CACNA1B: variants seen among roughly 807,000 people sequenced by gnomAD.
The protein encoded by CACNA1B is calcium voltage-gated channel subunit alpha1 B.
Under a neutral mutation model 247.2 loss-of-function variants are expected in CACNA1B, and 70 were observed. The ratio of observed to expected loss-of-function variants is 0.28; its 90% CI spans 0.23 to 0.35. The LOEUF (loss-of-function observed/expected upper bound fraction) is 0.35, where lower values mean the gene tolerates loss of function less well. Among genes scored for constraint, CACNA1B ranks in the 10% least tolerant of loss-of-function variants. The probability of loss-of-function intolerance (pLI) is 1.00; values close to 1 mark genes in which losing one functional copy is unlikely to be tolerated. For missense variants in CACNA1B, 2,367 were observed against 3,197.4 expected (o/e 0.74, Z 6.26); for synonymous variants, 1,231 against 1,294.4 (o/e 0.95, Z 1.05).
intron 31 of CACNA1B, chr9:138,068,513 T>A: frequency 2.1e-6 from 1 of 486,208 alleles, no homozygotes; most frequent in East Asian, 5.9e-5. Context: ...GGCTGCCTCC[T>A]CCCTGTGCGT....
chr9:138,107,087 T>TTA (rs1479779888), intron 39 of CACNA1B, among the ~76,000 whole-genome samples: 5 of 152,244 alleles, frequency 3.3e-5, no homozygotes, highest in Admixed American at 1.3e-4. Flanking sequence ...ACTCACTCCT[T>TTA]TATCATCTCA....
Position 138,039,682 on chromosome 9 carries a change from G to A in CACNA1B, c.3287-4092G>A, listed in dbSNP as rs906654631. Among the ~76,000 whole-genome samples the A allele has an allele frequency of 2.4e-4, 36 of 151,958 alleles. 1 individual carries two copies. The highest frequency in any genetic ancestry group is 8.5e-4 in the African/African-American group (35 of 41,360). The stretch of plus-strand genomic sequence containing the variant: ...TAAGTTAGAACTTAAGTTAGATTAG[G>A]AGAACATGATCTGTATGATAGTTTT... On this transcript the variant is annotated intron_variant, in intron 20 of 46. Transcript: ENST00000371372.
intron 3 of CACNA1B, among the ~76,000 whole-genome samples, chr9:137,909,313 G>T (rs1232253283): frequency 6.6e-6 from 1 of 151,948 alleles, no homozygotes; most frequent in African/African-American, 2.4e-5. Context: ...TTTTTTTATT[G>T]CCCCAAACAG....
chr9:138,120,427 G>A (rs1266369500), intron 45 of CACNA1B, 55 bp downstream of exon 45: 2 of 1,492,364 alleles, frequency 1.3e-6, no homozygotes, highest in Non-Finnish European at 1.8e-6. Context: ...CGAGTCAGGG[G>A]GTCCAAGCGG....
rs201621620 is a variant in CACNA1B, at chr9:138,118,637, G to A, written c.5914-15G>A. The A allele has an allele frequency of 3.9e-6, 5 of 1,296,692 alleles. No homozygotes were observed. Among genetic ancestry groups the A allele is most frequent in the Non-Finnish European group, 5.5e-6 (5 of 915,088 alleles). The allele number at this position is 1,296,692 out of a possible 1,614,324, so 80.3% of individuals were successfully genotyped here. A position where few individuals can be genotyped will look rare whatever the true frequency, so the allele number is the denominator to read the frequency against. ...TGCCTTGTGTGGTGGGACTAGGTGA[G>A]TGCTGTATCCACAGGCTGTGGACGT... On this transcript the variant is annotated splice_polypyrimidine_tract_variant and intron_variant, in intron 43 of 46. Coordinates refer to ENST00000371372, the MANE Select transcript of CACNA1B (RefSeq NM_000718.4).
chr9:137,993,513 T>C (rs1023844064), intron 15 of CACNA1B, among the ~76,000 whole-genome samples: 7 of 152,110 alleles, frequency 4.6e-5, no homozygotes, highest in South Asian at 4.1e-4. Flanking sequence ...ATGGGAGATA[T>C]TACTACTGGT....
At chr9:138,062,906 A>C (rs1044322769) in intron 31 of CACNA1B, among the ~76,000 whole-genome samples, 1 of 152,258 alleles carries the variant, frequency 6.6e-6, no homozygotes, top group Admixed American at 6.5e-5. Flanking sequence ...GCCATCTCCA[A>C]AACGCAAAGC....
chr9:137,967,955 G>A (rs1366246670), intron 10 of CACNA1B, among the ~76,000 whole-genome samples: 7 of 152,178 alleles, frequency 4.6e-5, no homozygotes, highest in East Asian at 1.9e-4. Context: ...TCACCTCCAC[G>A]TTGGAGATGC....
Position 138,037,732 on chromosome 9 carries a change from G to A in CACNA1B, c.3287-6042G>A, listed in dbSNP as rs550085629. 5.9e-5 allele frequency among the ~76,000 whole-genome samples: 9 copies of A among 152,198 alleles called. No individual in the cohort carries two copies. In the East Asian group the frequency reaches 1.7e-3, roughly 29 times the overall value. On this transcript the variant is annotated intron_variant, in intron 20 of 46. Transcript: ENST00000371372. ...TTTTGGAAGGCTTCCAGGTGGTGGT[G>A]TACACTTCCTGCCATATGGTATCAG...
intron 36 of CACNA1B, among the ~76,000 whole-genome samples, chr9:138,080,068 C>T (rs1188818754): frequency 1.3e-5 from 2 of 152,200 alleles, no homozygotes; most frequent in African/African-American, 2.4e-5. Context: ...GGAAACACCT[C>T]AAGCCTGTGG....
In CACNA1B at chr9:137,968,529, C is replaced by T. The variant is rs530917262; in HGVS notation, c.1334-2854C>T. Among the ~76,000 whole-genome samples, 7 of 152,336 alleles carry T rather than the reference C, an allele frequency of 4.6e-5. No homozygotes were observed. In the South Asian group the frequency reaches 8.3e-4, roughly 18 times the overall value. ...ACAGCCATTAGGGCCTCCATCAGCT[C>T]GTGCTTTAGCCTCACGTCACTTTTG... On this transcript the variant is annotated intron_variant, in intron 10 of 46. Coordinates refer to ENST00000371372, the MANE Select transcript of CACNA1B (RefSeq NM_000718.4).
intron 3 of CACNA1B, among the ~76,000 whole-genome samples, chr9:137,910,595 C>T (rs996672597): frequency 1.3e-5 from 2 of 152,186 alleles, no homozygotes; most frequent in African/African-American, 2.4e-5. Context: ...TGCAACTAGA[C>T]GGTCCCATCT....
chr9:138,020,868 A>C lies in CACNA1B; in HGVS notation c.2268-2143A>C, dbSNP rs1958836763. ...AGCTATATGGTCTGGAGCCCACCCC[A>C]CCTTCACACAGACCCTGTGCCTCTG... On this transcript the variant is annotated intron_variant, in intron 18 of 46. Transcript: ENST00000371372. The surrounding 1 kb of genome is among the most constrained non-coding windows in gnomAD (Gnocchi z 4.1). Among the ~76,000 whole-genome samples the C allele has an allele frequency of 6.6e-6, 1 of 152,150 alleles. No homozygotes were observed. The highest frequency in any genetic ancestry group is 6.5e-5 in the Admixed American group (1 of 15,280).
chr9:137,940,749 G>T (rs1306541288), intron 6 of CACNA1B, among the ~76,000 whole-genome samples: 1 of 152,098 alleles, frequency 6.6e-6, no homozygotes, highest in African/African-American at 2.4e-5. Context: ...CCAGGGATCA[G>T]GGATGGTTTA....
chr9:138,114,241 C>T, intron 40 of CACNA1B, 137 bp from the exon 41 acceptor site: 1 of 614,302 alleles, frequency 1.6e-6, no homozygotes, highest in Admixed American at 2.6e-5. Flanking sequence ...CCTGAGAGCC[C>T]TCTGTCCCAG....
In CACNA1B at chr9:138,058,021, C is replaced by T; in HGVS notation, c.4107-28C>T. 2 of 1,602,876 alleles carry T rather than the reference C, an allele frequency of 1.2e-6. No individual in the cohort carries two copies. Among genetic ancestry groups the T allele is most frequent in the Middle Eastern group, 1.7e-4 (1 of 6,042 alleles). ...TAGGGCTGTCTCCTTTGGGGGTTCC[C>T]CTGACACTTGCTCTCCTCTTTGCCC... On this transcript the variant is annotated intron_variant, in intron 27 of 46. Coordinates refer to ENST00000371372, the MANE Select transcript of CACNA1B (RefSeq NM_000718.4). The surrounding 1 kb of genome is among the most constrained non-coding windows in gnomAD (Gnocchi z 4.7).
intron 20 of CACNA1B, among the ~76,000 whole-genome samples, chr9:138,042,702 G>A (rs1189754476): frequency 6.6e-6 from 1 of 152,242 alleles, no homozygotes; most frequent in East Asian, 1.9e-4. Context: ...GGTTATCTTG[G>A]CTCTGGAGCC....
At chr9:137,879,378 G>A (rs1375211078) in intron 2 of CACNA1B, among the ~76,000 whole-genome samples, 1 of 152,232 alleles carries the variant, frequency 6.6e-6, no homozygotes, top group African/African-American at 2.4e-5. Context: ...GTTAGCCCTG[G>A]GCCAGTCTGC....
chr9:137,893,174 A>G (rs900633305), intron 3 of CACNA1B, among the ~76,000 whole-genome samples: 1 of 151,908 alleles, frequency 6.6e-6, no homozygotes, highest in Admixed American at 6.6e-5. Flanking sequence ...AGCTGCTAGA[A>G]GTGAGCAGCA....
Sources: allele counts gnomAD v4.1 joint callset (sites outside exome capture counted in the v4.1 genomes callset), GRCh38; gene constraint gnomAD v4.1.1; non-coding constraint Gnocchi (gnomAD v3.1); transcripts MANE v1.5; gene names NCBI Gene and HGNC (gene_info 2026-07-23, HGNC 2026-07-21).